TENT5D: variants seen among roughly 807,000 people sequenced by gnomAD.
TENT5D encodes the protein cancer/testis antigen 112.
For synonymous variants in TENT5D, 103 were observed against 100.6 expected (o/e 1.02, Z -0.15); for missense variants, 191 against 287.0 (o/e 0.67, Z 2.42).
intron 3 of TENT5D, among the ~76,000 whole-genome samples, chrX:80,387,749 G>A (rs997879620): frequency 4.4e-4 from 49 of 110,931 alleles, no homozygotes; most frequent in African/African-American, 1.5e-3. Context: ...TCTGGCCACC[G>A]CCTATGTTTT....
At chrX:80,409,551 A>AAAT (rs1931591176) in intron 3 of TENT5D, among the ~76,000 whole-genome samples, 1 of 110,515 alleles carries the variant, frequency 9.0e-6, no homozygotes, top group Non-Finnish European at 1.9e-5. Context: ...GATGTGAAGG[A>AAAT]CCTCTTCAAG....
intron 3 of TENT5D, among the ~76,000 whole-genome samples, chrX:80,397,942 TGGGAGAGGGCGAGGGA>T (rs1931315108): frequency 2.7e-5 from 3 of 109,254 alleles, no homozygotes; most frequent in South Asian, 3.9e-4. Flanking sequence ...ACGGAGACCG[TGGGAGAGGGCGAGGGA>T]GGGAGAGGGA....
chrX:80,394,376 T>A (rs1192605916), intron 3 of TENT5D, among the ~76,000 whole-genome samples: 22 of 105,211 alleles, frequency 2.1e-4, no homozygotes, highest in Non-Finnish European at 3.7e-4. Flanking sequence ...GAGAAATGTC[T>A]ATTCAGGTCC....
At chrX:80,395,908 A>C (rs771825590) in intron 3 of TENT5D, among the ~76,000 whole-genome samples, 1 of 105,472 alleles carries the variant, frequency 9.5e-6, no homozygotes, top group Admixed American at 1.1e-4. Flanking sequence ...CTTCTGTGAG[A>C]TGAACTTCTT....
chrX:80,342,811 GGA>G (rs1324271472), intron 3 of TENT5D, among the ~76,000 whole-genome samples: 2 of 111,467 alleles, frequency 1.8e-5, no homozygotes, highest in African/African-American at 6.5e-5. Context: ...GTTCAAATTT[GGA>G]GAGAGAGAAA....
At chrX:80,342,874 C>T (rs1316864740) in intron 3 of TENT5D, among the ~76,000 whole-genome samples, 1 of 111,249 alleles carries the variant, frequency 9.0e-6, no homozygotes, top group East Asian at 2.8e-4. Flanking sequence ...ATGATTTCTG[C>T]TTTTGTCTGT....
chrX:80,416,124 G>A (rs889244860), upstream of TENT5D, among the ~76,000 whole-genome samples: 3 of 109,342 alleles, frequency 2.7e-5, no homozygotes, highest in Admixed American at 9.8e-5. Flanking sequence ...TTTCTGTTGG[G>A]TCAGTGGTAA....
intron 3 of TENT5D, among the ~76,000 whole-genome samples, chrX:80,413,291 TA>T (rs1569370508): frequency 8.9e-6 from 1 of 112,453 alleles, no homozygotes; most frequent in Non-Finnish European, 1.9e-5. Flanking sequence ...ATAGTTCTTT[TA>T]TACATTTTTA....
upstream of TENT5D, among the ~76,000 whole-genome samples, chrX:80,416,613 A>C (rs1931784220): frequency 9.1e-6 from 1 of 109,756 alleles, no homozygotes; most frequent in Non-Finnish European, 1.9e-5. Context: ...CAATTTTCTT[A>C]GTATTGATGT....
intron 2 of TENT5D, among the ~76,000 whole-genome samples, chrX:80,336,311 T>G (rs750859330): frequency 9.0e-6 from 1 of 110,939 alleles, no homozygotes; most frequent in Non-Finnish European, 1.9e-5. Context: ...TCTTTAGTGT[T>G]AATGTAATTG....
chrX:80,388,003 G>A (rs1351897745), intron 3 of TENT5D, among the ~76,000 whole-genome samples: 1 of 111,173 alleles, frequency 9.0e-6, no homozygotes, highest in East Asian at 2.8e-4. Context: ...CTCCCCTGCT[G>A]GCCACCACTT....
intron 1 of TENT5D, among the ~76,000 whole-genome samples, chrX:80,438,018 G>T (rs1170898524): frequency 9.0e-6 from 1 of 111,439 alleles, no homozygotes. Context: ...CTGCTGAAAT[G>T]TTTTCAAAAG....
In TENT5D at chrX:80,443,739, A is replaced by G. The variant is rs779798319; in HGVS notation, c.*30A>G. 18 of 1,079,014 alleles carry G rather than the reference A, an allele frequency of 1.7e-5. No individual in the cohort carries two copies. In the East Asian group the frequency reaches 4.9e-4, roughly 29 times the overall value. The allele number at this position is 1,079,014 out of a possible 1,213,427, so 88.9% of individuals were successfully genotyped here. On this transcript the variant is annotated 3_prime_UTR_variant, in exon 3 of 3. Transcript: ENST00000308293. Reference sequence around the variant, plus strand: ...TACACATGCAACCATAGAAACTTTGATTTAATTAAACACCATTTAAAAGCA... The same window carrying G: ...TACACATGCAACCATAGAAACTTTGGTTTAATTAAACACCATTTAAAAGCA...
intron 2 of TENT5D, among the ~76,000 whole-genome samples, chrX:80,341,758 C>A (rs1330961236): frequency 2.0e-5 from 2 of 98,883 alleles, no homozygotes; most frequent in Non-Finnish European, 4.1e-5. Flanking sequence ...GTCGCCCAGG[C>A]TGGAGTGCAG....
chrX:80,341,665 ATTGT>A (rs1170150698), intron 2 of TENT5D, among the ~76,000 whole-genome samples: 1 of 106,650 alleles, frequency 9.4e-6, no homozygotes, highest in African/African-American at 3.4e-5. Flanking sequence ...TGTAAAAACC[ATTGT>A]TTGTCAGTTG....
At chrX:80,353,434 T>C (rs1930225473) in intron 3 of TENT5D, among the ~76,000 whole-genome samples, 2 of 111,428 alleles carry the variant, frequency 1.8e-5, no homozygotes, top group South Asian at 7.6e-4. Context: ...CCTCCTCCTA[T>C]CCTCTACCTT....
At position 80,357,935 on chromosome X, in the gene TENT5D, T is replaced by C. The variant is rs773585833; in HGVS notation, c.-142+15371T>C. The stretch of plus-strand genomic sequence containing the variant: ...AACTATACTACAAGGCTACAGTAAT[T>C]AAAACAGCATGGTACTGGTACCAAA... On this transcript the variant is annotated intron_variant, in intron 3 of 4. Coordinates refer to the TENT5D transcript ENST00000538312. 1.0e-3 allele frequency among the ~76,000 whole-genome samples: 112 copies of C among 111,153 alleles called. 1 individual carries two copies. Among genetic ancestry groups the C allele is most frequent in the African/African-American group, 3.4e-3 (103 of 30,504 alleles).
chrX:80,382,322 T>C (rs1210563102), intron 3 of TENT5D, among the ~76,000 whole-genome samples: 2 of 111,710 alleles, frequency 1.8e-5, no homozygotes, highest in Admixed American at 9.5e-5. Context: ...ACAGCAAATA[T>C]TGCTGCCTGA....
intron 3 of TENT5D, among the ~76,000 whole-genome samples, chrX:80,399,839 C>A (rs183803311): frequency 1.4e-3 from 160 of 111,825 alleles, no homozygotes; most frequent in African/African-American, 5.0e-3. Flanking sequence ...GAAACAATTT[C>A]ACAGATCTCT....
Sources: allele counts gnomAD v4.1 joint callset (sites outside exome capture counted in the v4.1 genomes callset), GRCh38; gene constraint gnomAD v4.1.1; transcripts MANE v1.5; gene names NCBI Gene and HGNC (gene_info 2026-07-23, HGNC 2026-07-21).